USP50: variants seen among roughly 807,000 people sequenced by gnomAD.
The protein encoded by USP50 is ubiquitin specific peptidase 50.
A neutral mutation model predicts 39.2 loss-of-function variants in USP50; 37 were observed. The ratio of observed to expected loss-of-function variants is 0.94; its 90% CI spans 0.73 to 1.24. The LOEUF (loss-of-function observed/expected upper bound fraction) is 1.24. Ranked by LOEUF, USP50 falls within the 50% of genes most tolerant of loss-of-function variation. USP50 has a pLI of 0.00. For missense variants in USP50, 374 were observed against 398.2 expected (o/e 0.94, Z 0.52); for synonymous variants, 139 against 144.5 (o/e 0.96, Z 0.27).
In USP50 at chr15:50,538,689, A is replaced by G; in HGVS notation, c.803+20T>C. On this transcript the variant is annotated intron_variant, in intron 5 of 6. Transcript: ENST00000532404. ...AGGCTGTTCGAAAATATGTGCCCAC[A>G]AAAATGTAAAAATCCATACCTTTTT... is the stretch of plus-strand genomic sequence containing the variant. 1 of 1,547,926 alleles carries G rather than the reference A, an allele frequency of 6.5e-7. No homozygotes were observed. The highest frequency in any genetic ancestry group is 1.2e-5 in the South Asian group (1 of 82,728).
intron 6 of USP50, among the ~76,000 whole-genome samples, chr15:50,515,614 C>G (rs189318749): frequency 1.3e-5 from 2 of 150,366 alleles, no homozygotes; most frequent in Non-Finnish European, 2.9e-5. Flanking sequence ...TTATAGGTTA[C>G]TTTCTCAATT....
chr15:50,500,741 C>A lies in USP50; in HGVS notation c.*28G>T. On this transcript the variant is annotated 3_prime_UTR_variant, in exon 7 of 7. Coordinates refer to ENST00000532404, the MANE Select transcript of USP50 (RefSeq NM_203494.5). ...TTTTGAACAGAAGTATCTGGAATCTCACTGACTCGTGTGTTATCAAAGCTA... is the reference window on the plus strand; with the variant it reads ...TTTTGAACAGAAGTATCTGGAATCTAACTGACTCGTGTGTTATCAAAGCTA... The A allele has an allele frequency of 6.4e-7, 1 of 1,567,172 alleles. No individual in the cohort carries two copies. The highest frequency in any genetic ancestry group is 2.3e-5 in the East Asian group (1 of 42,906).
intron 6 of USP50, chr15:50,506,023 C>G (rs988698057): frequency 6.6e-6 from 1 of 152,170 alleles, no homozygotes; most frequent in African/African-American, 2.4e-5. Flanking sequence ...AAGAGCTTTC[C>G]ATTTCTTTGG....
chr15:50,506,652 T>C (rs1363584644), intron 6 of USP50: 1 of 152,124 alleles, frequency 6.6e-6, no homozygotes, highest in Non-Finnish European at 1.5e-5. Flanking sequence ...TACCAAATAT[T>C]TACTGGATTT....
downstream of USP50, chr15:50,493,391 A>G: frequency 1.9e-6 from 1 of 519,198 alleles, no homozygotes; most frequent in Non-Finnish European, 3.8e-6. Flanking sequence ...TTTACCTTTC[A>G]AACCATAGTA....
intron 3 of USP50, 132 bp downstream of exon 3, chr15:50,543,466 C>A: frequency 1.2e-6 from 1 of 803,208 alleles, no homozygotes. Context: ...CTTGGATGTT[C>A]TCCATGGGAC....
chr15:50,529,992 G>T lies in USP50; in HGVS notation c.804-63C>A, dbSNP rs1596016040. 8 of 1,590,356 alleles carry T rather than the reference G, an allele frequency of 5.0e-6. No individual in the cohort carries two copies. In the East Asian group the frequency reaches 1.6e-4, roughly 31 times the overall value. On this transcript the variant is annotated intron_variant, in intron 5 of 6. Coordinates refer to ENST00000532404, the MANE Select transcript of USP50 (RefSeq NM_203494.5). Reference sequence around the variant, plus strand: ...TTGTGAACCACTCATTTGTCTACATGACAAATTCCGAGTATTTTAAAAGTA... The same window carrying T: ...TTGTGAACCACTCATTTGTCTACATTACAAATTCCGAGTATTTTAAAAGTA...
chr15:50,494,129 C>T, exon 2 of USP50: 1 of 1,611,766 alleles, frequency 6.2e-7, no homozygotes. Context: ...ATCATGAAAG[C>T]CCTGTGGACA....
At chr15:50,514,994 TAAAAA>T (rs386382963) in intron 6 of USP50, among the ~76,000 whole-genome samples, 8 of 74,628 alleles carry the variant, frequency 1.1e-4, no homozygotes, top group African/African-American at 3.9e-4. Flanking sequence ...AGACACAGTC[TAAAAA>T]AAAAAAAAAA....
chr15:50,493,249 A>G, downstream of USP50: 1 of 513,346 alleles, frequency 1.9e-6, no homozygotes, highest in Non-Finnish European at 3.8e-6. Flanking sequence ...CCCATCTCTT[A>G]ATCCTGTCAC....
rs2053048550 is a variant in USP50 at position 50,543,744 on chromosome 15, A to T, written c.298T>A (p.Trp100Arg). The stretch of plus-strand genomic sequence containing the variant: ...GAGACACAGTCTGAGTCTCCCAGCC[A>T]CATGTCTGTCATCAGATAGGCAAAA... ...TAFAYLMTDM[W>R]LGDSDCVSPE... is the part of the protein sequence containing the mutation. Residue 100 changes from tryptophan to arginine, a missense_variant, in exon 3 of 7, where the codon TGG becomes AGG. Transcript: ENST00000532404. The T allele has an allele frequency of 6.2e-7, 1 of 1,610,500 alleles. No individual in the cohort carries two copies. Among genetic ancestry groups the T allele is most frequent in the African/African-American group, 1.3e-5 (1 of 74,912 alleles).
Position 50,525,699 on chromosome 15 carries a change from A to G in USP50, c.936+4098T>C, listed in dbSNP as rs981497438. ...ATATGTATATTATATATGTATATGTATATATATGTATATATGTATATGTAT... is the reference window on the plus strand; with the variant it reads ...ATATGTATATTATATATGTATATGTGTATATATGTATATATGTATATGTAT... On this transcript the variant is annotated intron_variant, in intron 6 of 6. Coordinates refer to ENST00000532404, the MANE Select transcript of USP50 (RefSeq NM_203494.5). Among the ~76,000 whole-genome samples, 84 of 99,786 alleles carry G rather than the reference A, an allele frequency of 8.4e-4. 2 individuals carry two copies. The highest frequency in any genetic ancestry group is 2.7e-3 in the African/African-American group (77 of 28,116). The allele number at this position is 99,786 out of a possible 152,430, so 65.5% of individuals were successfully genotyped here. A position where few individuals can be genotyped will look rare whatever the true frequency, so the allele number is the denominator to read the frequency against.
At chr15:50,505,637 A>T (rs547946053) in intron 6 of USP50, 3 of 152,228 alleles carry the variant, frequency 2.0e-5, no homozygotes, top group African/African-American at 7.2e-5. Flanking sequence ...GAAAACCATG[A>T]TAATGTCTCC....
chr15:50,497,002 C>G, downstream of USP50: 1 of 1,479,794 alleles, frequency 6.8e-7, no homozygotes, highest in Non-Finnish European at 9.0e-7. Context: ...TCACTGGTGC[C>G]TGCAGAGTGA....
At chr15:50,523,295 C>T (rs925458170) in intron 6 of USP50, among the ~76,000 whole-genome samples, 1 of 150,094 alleles carries the variant, frequency 6.7e-6, no homozygotes, top group Non-Finnish European at 1.5e-5. Flanking sequence ...CCTCCCACAT[C>T]AGCCTCTGGA....
rs2053040829 is a variant in USP50, at chr15:50,542,810, T to C, written c.444+788A>G. Among the ~76,000 whole-genome samples the C allele has an allele frequency of 3.3e-5, 5 of 152,092 alleles. No individual in the cohort carries two copies. In the South Asian group the frequency reaches 1.0e-3, roughly 32 times the overall value. On this transcript the variant is annotated intron_variant, in intron 3 of 6. Coordinates refer to ENST00000532404, the MANE Select transcript of USP50 (RefSeq NM_203494.5). ...GGCCATGAGTACTTTTTTATTACTC[T>C]AAATGAAAAATGGAACTGAGATCTG... is the stretch of plus-strand genomic sequence containing the variant.
intron 3 of USP50, 25 bp downstream of exon 3, chr15:50,543,572 AT>A (rs764351384): frequency 6.3e-7 from 1 of 1,592,498 alleles, no homozygotes; most frequent in Admixed American, 1.7e-5. Context: ...GGACTATCCT[AT>A]TTCAAGGTCA....
intron 6 of USP50, among the ~76,000 whole-genome samples, chr15:50,514,594 C>T (rs1205487295): frequency 9.9e-5 from 15 of 152,078 alleles, no homozygotes; most frequent in Admixed American, 7.9e-4. Flanking sequence ...TGCAGCGGCG[C>T]GATCTCGGCT....
chr15:50,495,124 TACA>T (rs2052326538), intron 1 of USP50, among the ~76,000 whole-genome samples: 2 of 152,000 alleles, frequency 1.3e-5, no homozygotes, highest in South Asian at 4.2e-4. Flanking sequence ...ATTTACATAC[TACA>T]ACTTCTTTTT....
Sources: gnomAD v4.1 joint callset for allele counts (sites outside exome capture counted in the v4.1 genomes callset) on GRCh38, gnomAD v4.1.1 for gene constraint, MANE v1.5 for transcripts, NCBI Gene and HGNC (gene_info 2026-07-23, HGNC 2026-07-21) for gene names.